The following BICD1 variants were observed in gnomAD, a reference collection of about 807,000 sequenced individuals.
The protein encoded by BICD1 is BICD cargo adaptor 1.
In BICD1, 35 loss-of-function variants were observed where a neutral mutation model predicts 92.5. The observed-to-expected ratio is 0.38, with a 90% CI of 0.29 to 0.50. The LOEUF (loss-of-function observed/expected upper bound fraction) is 0.50, where lower values mean the gene tolerates loss of function less well. Among genes scored for constraint, BICD1 ranks in the 20% least tolerant of loss-of-function variants. BICD1 has a pLI of 0.93. For missense variants in BICD1, 950 were observed against 1,189.8 expected, an observed-to-expected ratio of 0.80 and a Z score of 2.97; for synonymous variants, 429 against 465.1, an observed-to-expected ratio of 0.92 and a Z score of 1.00.
intron 2 of BICD1, among the ~76,000 whole-genome samples, chr12:32,270,119 T>TA (rs34843444): frequency 0.011 from 1,363 of 129,070 alleles, 52 homozygotes; most frequent in African/African-American, 0.039. Context: ...AGACTCCCTC[T>TA]AAAAAAAAAA....
At chr12:32,169,255 G>A (rs1266816934) in intron 1 of BICD1, among the ~76,000 whole-genome samples, 1 of 152,116 alleles carries the variant, frequency 6.6e-6, no homozygotes, top group Non-Finnish European at 1.5e-5. Flanking sequence ...TACCTACTCT[G>A]ATACTTAGCA....
At chr12:32,292,695 G>A (rs960279769) in intron 2 of BICD1, among the ~76,000 whole-genome samples, 2 of 151,922 alleles carry the variant, frequency 1.3e-5, no homozygotes, top group Non-Finnish European at 2.9e-5. Flanking sequence ...TATTTTTTTC[G>A]CATATGGATA....
chr12:32,304,019 A>C (rs966795115), intron 3 of BICD1, among the ~76,000 whole-genome samples: 3 of 152,038 alleles, frequency 2.0e-5, no homozygotes, highest in Non-Finnish European at 2.9e-5. Context: ...GCTTGCAGTG[A>C]GCCGAGATCA....
chr12:32,181,331 A>G (rs754756611), intron 1 of BICD1, among the ~76,000 whole-genome samples: 6 of 151,652 alleles, frequency 4.0e-5, no homozygotes, highest in Admixed American at 4.0e-4. Flanking sequence ...GAGGCAGGAG[A>G]ATCGCTTGGA....
At chr12:32,225,439 C>T (rs1044328921) in intron 2 of BICD1, among the ~76,000 whole-genome samples, 23 of 151,934 alleles carry the variant, frequency 1.5e-4, no homozygotes, top group Admixed American at 4.6e-4. Context: ...CTTACGTTTT[C>T]GTGAAGTTTT....
chr12:32,273,602 A>G (rs1368909299), intron 2 of BICD1, among the ~76,000 whole-genome samples: 1 of 152,222 alleles, frequency 6.6e-6, no homozygotes, highest in African/African-American at 2.4e-5. Context: ...AGCGGTGTCT[A>G]AATTTCAGTA....
chr12:32,238,625 G>A (rs985142751), intron 2 of BICD1, among the ~76,000 whole-genome samples: 2 of 152,200 alleles, frequency 1.3e-5, no homozygotes, highest in African/African-American at 4.8e-5. Context: ...GGAACAATTG[G>A]TGCAGCAAAA....
intron 8 of BICD1, among the ~76,000 whole-genome samples, chr12:32,358,044 T>C (rs1939184800): frequency 6.6e-6 from 1 of 152,128 alleles, no homozygotes; most frequent in Non-Finnish European, 1.5e-5. Flanking sequence ...ACCCTTCTGA[T>C]CCTCAGTGTT....
intron 2 of BICD1, among the ~76,000 whole-genome samples, chr12:32,285,147 T>A (rs1947529265): frequency 6.6e-6 from 1 of 152,174 alleles, no homozygotes; most frequent in Non-Finnish European, 1.5e-5. Context: ...TTAGTTAACC[T>A]TTACTTTTCC....
At chr12:32,176,225 A>T (rs1343921189) in intron 1 of BICD1, among the ~76,000 whole-genome samples, 3 of 152,080 alleles carry the variant, frequency 2.0e-5, no homozygotes, top group East Asian at 1.9e-4. Flanking sequence ...ATATGTTTTC[A>T]TTTCTTTTCA....
At chr12:32,179,938 C>T (rs1164452734) in intron 1 of BICD1, among the ~76,000 whole-genome samples, 2 of 144,768 alleles carry the variant, frequency 1.4e-5, no homozygotes, top group Non-Finnish European at 3.0e-5. Flanking sequence ...TGCAGTGAGC[C>T]GACATTGCGC....
At chr12:32,362,471 A>C (rs1290353843) in intron 8 of BICD1, among the ~76,000 whole-genome samples, 1 of 152,220 alleles carries the variant, frequency 6.6e-6, no homozygotes, top group Non-Finnish European at 1.5e-5. Flanking sequence ...CTGCCAATGA[A>C]ATGTATTATT....
intron 9 of BICD1, among the ~76,000 whole-genome samples, chr12:32,375,826 T>G (rs1320199953): frequency 1.3e-5 from 2 of 152,136 alleles, no homozygotes; most frequent in East Asian, 1.9e-4. Flanking sequence ...TAAAAATTAT[T>G]TAATACTAAT....
At chr12:32,119,249 C>T (rs573431640) in intron 1 of BICD1, among the ~76,000 whole-genome samples, 1 of 152,210 alleles carries the variant, frequency 6.6e-6, no homozygotes, top group East Asian at 1.9e-4. Context: ...CAGTGTATTG[C>T]CTACTGGATT....
intron 1 of BICD1, among the ~76,000 whole-genome samples, chr12:32,165,478 T>A (rs1195026854): frequency 3.9e-5 from 6 of 151,900 alleles, no homozygotes; most frequent in Non-Finnish European, 7.4e-5. Context: ...ATCGAGCCAC[T>A]GCACTCCAGC....
chr12:32,198,330 CTA>C lies in BICD1; in HGVS notation c.214-17895_214-17894del, dbSNP rs749446989. On this transcript the variant is annotated intron_variant, in intron 1 of 9. Coordinates refer to ENST00000652176, the MANE Select transcript of BICD1 (RefSeq NM_001714.4). The stretch of plus-strand genomic sequence containing the variant: ...GATTATGGGAATAATATGCATCTAT[CTA>C]TATATATATATATATATATATTCCA... 1.0e-3 allele frequency among the ~76,000 whole-genome samples: 118 copies of C among 117,776 alleles called. 3 individuals are homozygous for C. The highest frequency in any genetic ancestry group is 3.6e-3 in the African/African-American group (112 of 31,084). The allele number at this position is 117,776 out of a possible 152,430, so 77.3% of individuals were successfully genotyped here.
intron 1 of BICD1, among the ~76,000 whole-genome samples, chr12:32,196,322 C>T (rs961921092): frequency 6.6e-6 from 1 of 152,158 alleles, no homozygotes; most frequent in South Asian, 2.1e-4. Flanking sequence ...CTTGAAGAGA[C>T]ATCTGCACCC....
At chr12:32,120,373 C>T (rs1444907649) in intron 1 of BICD1, among the ~76,000 whole-genome samples, 1 of 152,146 alleles carries the variant, frequency 6.6e-6, no homozygotes, top group Admixed American at 6.6e-5. Flanking sequence ...GGAGCAATAG[C>T]AATATGTGTA....
chr12:32,286,723 T>C (rs1391603467), intron 2 of BICD1, among the ~76,000 whole-genome samples: 2 of 152,192 alleles, frequency 1.3e-5, no homozygotes, highest in South Asian at 2.1e-4. Flanking sequence ...ATCCATGTAA[T>C]ATATATTTTT....
Sources: allele counts gnomAD v4.1 joint callset (sites outside exome capture counted in the v4.1 genomes callset), GRCh38; gene constraint gnomAD v4.1.1; transcripts MANE v1.5; gene names NCBI Gene and HGNC (gene_info 2026-07-23, HGNC 2026-07-21).